TOX: variants seen among roughly 807,000 people sequenced by gnomAD.
TOX encodes thymocyte selection associated high mobility group box, also known as thymocyte selection-associated high mobility group box protein TOX.
A neutral mutation model predicts 53.7 loss-of-function variants in TOX; 11 were observed. The observed-to-expected ratio is 0.20, with a 90% CI of 0.13 to 0.34. The LOEUF is 0.34. Among genes scored for constraint, TOX ranks in the 10% least tolerant of loss-of-function variants. The pLI is 1.00. For missense variants in TOX, 570 were observed against 664.6 expected, an observed-to-expected ratio of 0.86 and a Z score of 1.56; for synonymous variants, 225 against 245.3, an observed-to-expected ratio of 0.92 and a Z score of 0.77.
intron 1 of TOX, among the ~76,000 whole-genome samples, chr8:59,056,321 A>G (rs1803887493): frequency 6.6e-6 from 1 of 151,102 alleles, no homozygotes; most frequent in Non-Finnish European, 1.5e-5. Context: ...AGTCCCCGCT[A>G]CTAGGGAGGC....
intron 6 of TOX, among the ~76,000 whole-genome samples, chr8:58,819,537 A>G (rs1335802453): frequency 1.3e-5 from 2 of 152,218 alleles, no homozygotes; most frequent in East Asian, 3.8e-4. Flanking sequence ...AGACATTTTG[A>G]GTATTATCTG....
At chr8:58,821,794 C>T (rs562720178) in intron 6 of TOX, among the ~76,000 whole-genome samples, 204 of 152,196 alleles carry the variant, frequency 1.3e-3, no homozygotes, top group African/African-American at 4.8e-3. Flanking sequence ...TCATGGAAAC[C>T]CTAAGATGTA....
chr8:59,085,758 G>C (rs371962889), intron 1 of TOX, among the ~76,000 whole-genome samples: 1 of 152,120 alleles, frequency 6.6e-6, no homozygotes, highest in Admixed American at 6.6e-5. Flanking sequence ...CAGGCTTTGT[G>C]TTGACTGAGT....
At chr8:58,960,535 T>C (rs1373046390) in intron 1 of TOX, among the ~76,000 whole-genome samples, 1 of 152,168 alleles carries the variant, frequency 6.6e-6, no homozygotes, top group African/African-American at 2.4e-5. Flanking sequence ...TATAATAATA[T>C]TTGAAAAGAG....
At chr8:58,982,097 T>A (rs571032688) in intron 1 of TOX, among the ~76,000 whole-genome samples, 1 of 152,182 alleles carries the variant, frequency 6.6e-6, no homozygotes, top group Non-Finnish European at 1.5e-5. Context: ...TGCCTCTGCA[T>A]GCACTTCTAA....
chr8:58,827,022 A>G (rs1810377287), intron 5 of TOX, 120 bp from the exon 6 acceptor site: 2 of 511,240 alleles, frequency 3.9e-6, no homozygotes, highest in East Asian at 7.8e-5. Flanking sequence ...ATATAATAAT[A>G]TATATCTCCC....
At chr8:59,055,788 T>C (rs1803878584) in intron 1 of TOX, among the ~76,000 whole-genome samples, 1 of 152,178 alleles carries the variant, frequency 6.6e-6, no homozygotes, top group African/African-American at 2.4e-5. Context: ...AAGCTCTGAA[T>C]CTTTCCCAAA....
chr8:58,960,416 C>T (rs1258513042), intron 1 of TOX, among the ~76,000 whole-genome samples: 1 of 152,156 alleles, frequency 6.6e-6, no homozygotes, highest in East Asian at 1.9e-4. Context: ...GAAGGCACAG[C>T]TCGGTGCATT....
chr8:58,907,594 CA>C (rs368433881), intron 3 of TOX, among the ~76,000 whole-genome samples: 9 of 146,094 alleles, frequency 6.2e-5, no homozygotes, highest in African/African-American at 1.3e-4. Flanking sequence ...GAGCCTGTCT[CA>C]AAAAAAAAAG....
intron 7 of TOX, among the ~76,000 whole-genome samples, chr8:58,809,721 C>G (rs566123909): frequency 5.1e-4 from 78 of 152,322 alleles, no homozygotes; most frequent in African/African-American, 1.7e-3. Context: ...TCCCTAGTGT[C>G]TAGTTCGATG....
intron 6 of TOX, among the ~76,000 whole-genome samples, chr8:58,818,479 C>A (rs1337449884): frequency 2.6e-5 from 4 of 152,178 alleles, no homozygotes; most frequent in African/African-American, 9.7e-5. Context: ...TTCCTGTAGT[C>A]TCTTTTCACA....
intron 3 of TOX, among the ~76,000 whole-genome samples, chr8:58,930,338 T>C (rs1585907599): frequency 6.6e-6 from 1 of 152,242 alleles, no homozygotes; most frequent in Non-Finnish European, 1.5e-5. Context: ...TGTACACTTA[T>C]ATAGAGCATT....
intron 1 of TOX, among the ~76,000 whole-genome samples, chr8:58,970,408 C>T (rs1244375836): frequency 6.6e-6 from 1 of 152,168 alleles, no homozygotes; most frequent in African/African-American, 2.4e-5. Context: ...TTATTTACTA[C>T]TAATTAGATG....
rs1429122230 is a variant in TOX, at chr8:58,956,731, G to A, written c.168+3212C>T. 2.6e-5 allele frequency among the ~76,000 whole-genome samples: 4 copies of A among 152,172 alleles called. No homozygotes were observed. In the East Asian group the frequency reaches 7.7e-4, roughly 29 times the overall value. On this transcript the variant is annotated intron_variant, in intron 2 of 8. Coordinates refer to ENST00000361421, the MANE Select transcript of TOX (RefSeq NM_014729.3). ...ATTCTCCTGCCTCAGCCTCCGGAGTGGAGACTCTGGAGTGGCTGGGATTAC... is the reference window on the plus strand; with the variant it reads ...ATTCTCCTGCCTCAGCCTCCGGAGTAGAGACTCTGGAGTGGCTGGGATTAC...
chr8:58,812,249 T>C (rs948426642), intron 7 of TOX, among the ~76,000 whole-genome samples: 1 of 152,190 alleles, frequency 6.6e-6, no homozygotes, highest in African/African-American at 2.4e-5. Flanking sequence ...CCCTTTTTGA[T>C]CCTGATTTTA....
intron 1 of TOX, among the ~76,000 whole-genome samples, chr8:58,968,861 T>C (rs1812951015): frequency 6.6e-6 from 1 of 152,160 alleles, no homozygotes; most frequent in African/African-American, 2.4e-5. Context: ...GACAGATGTA[T>C]TAAAAAGAAC....
intron 3 of TOX, among the ~76,000 whole-genome samples, chr8:58,871,594 C>T: frequency 6.6e-6 from 1 of 152,168 alleles, no homozygotes. Flanking sequence ...TACATAAGCA[C>T]TGTACCCTAG....
intron 3 of TOX, among the ~76,000 whole-genome samples, chr8:58,915,518 C>A (rs377404951): frequency 1.1e-4 from 14 of 126,446 alleles, no homozygotes; most frequent in African/African-American, 2.8e-4. Context: ...AAACTAACAA[C>A]CAGAAAGGAC....
At chr8:59,081,156 A>G (rs753257153) in intron 1 of TOX, among the ~76,000 whole-genome samples, 1 of 151,948 alleles carries the variant, frequency 6.6e-6, no homozygotes, top group South Asian at 2.1e-4. Context: ...CCTCCTGAGT[A>G]GCTGGGACTA....
Sources: allele counts gnomAD v4.1 joint callset (sites outside exome capture counted in the v4.1 genomes callset), GRCh38; gene constraint gnomAD v4.1.1; transcripts MANE v1.5; gene names NCBI Gene and HGNC (gene_info 2026-07-23, HGNC 2026-07-21).